Variants in NKAIN4 observed in about 807,000 individuals in gnomAD.
NKAIN4 encodes the protein sodium/potassium transporting ATPase interacting 4, also known as sodium/potassium-transporting ATPase subunit beta-1-interacting protein 4.
NKAIN4 carries 28 observed loss-of-function variants against 28.8 expected under a neutral mutation model. That is an observed-to-expected ratio of 0.97 (90% CI 0.72 to 1.33). The LOEUF (loss-of-function observed/expected upper bound fraction) is 1.33, where lower values mean the gene tolerates loss of function less well. Ranked by LOEUF, NKAIN4 falls within the 40% of genes most tolerant of loss-of-function variation. The pLI, the probability that NKAIN4 is intolerant of heterozygous loss-of-function variation, is 0.00. For synonymous variants in NKAIN4, 122 were observed against 115.6 expected, an observed-to-expected ratio of 1.06 and a Z score of -0.36; for missense variants, 289 against 277.2, an observed-to-expected ratio of 1.04 and a Z score of -0.30.
chr20:63,245,319 A>C lies in NKAIN4; in HGVS notation c.472-1235T>G, dbSNP rs1568704824. On this transcript the variant is annotated intron_variant, in intron 4 of 6. Transcript: ENST00000370316. This position sits in a 1 kb window ranked among gnomAD's most constrained non-coding sequence, Gnocchi z 4.7. ...GCAGCGGTGAGGGTGGGCAACCTCC[A>C]CGGCTCGTCCCCCTCCTCACCCCAA... is the stretch of plus-strand genomic sequence containing the variant. Among the ~76,000 whole-genome samples, 1 of 152,036 alleles carries C rather than the reference A, an allele frequency of 6.6e-6. No homozygotes were observed. The highest frequency in any genetic ancestry group is 1.5e-5 in the Non-Finnish European group (1 of 67,994).
chr20:63,249,545 A>G (rs898653360), intron 2 of NKAIN4, among the ~76,000 whole-genome samples: 1 of 152,204 alleles, frequency 6.6e-6, no homozygotes, highest in African/African-American at 2.4e-5. Context: ...GGATGCAGCA[A>G]GGACAGTATG....
At chr20:63,241,577 C>A in intron 6 of NKAIN4, 71 bp from the exon 7 acceptor site, 5 of 1,370,700 alleles carry the variant, frequency 3.6e-6, no homozygotes, top group Non-Finnish European at 5.1e-6. Flanking sequence ...GCCACCCCCT[C>A]CCCTTGGAGA....
At position 63,254,381 on chromosome 20, in the gene NKAIN4, AG is replaced by A; in HGVS notation, c.54+15del. ...ACCGGGGGCTCCAGGAGGCTCGCGG[AG>A]GGGTCGCCACTCACCAGCTGAAAAG... On this transcript the variant is annotated intron_variant, in intron 1 of 6. Transcript: ENST00000370316. 1 of 1,445,334 alleles carries A rather than the reference AG, an allele frequency of 6.9e-7. No individual in the cohort carries two copies. Among genetic ancestry groups the A allele is most frequent in the African/African-American group, 1.5e-5 (1 of 67,632 alleles). The allele number at this position is 1,445,334 out of a possible 1,614,324, so 89.5% of individuals were successfully genotyped here.
chr20:63,251,133 C>T (rs1337267421), intron 1 of NKAIN4, among the ~76,000 whole-genome samples: 2 of 152,004 alleles, frequency 1.3e-5, no homozygotes, highest in Non-Finnish European at 2.9e-5. Context: ...CCAGGGGGCC[C>T]TTGCCTGCCT....
At chr20:63,248,703 G>A (rs1454444894) in intron 3 of NKAIN4, 112 bp downstream of exon 3, 32 of 723,330 alleles carry the variant, frequency 4.4e-5, no homozygotes, top group Non-Finnish European at 7.0e-5. Flanking sequence ...GCCATGCACA[G>A]ACTGAGCCCC....
chr20:63,246,624 C>A, intron 4 of NKAIN4: 1 of 985,342 alleles, frequency 1.0e-6, no homozygotes, highest in Non-Finnish European at 1.2e-6. Context: ...AGCCCCAGGT[C>A]CACCTGGTGT....
At position 63,245,734 on chromosome 20, in the gene NKAIN4, G is replaced by A. The variant is rs1015851849; in HGVS notation, c.472-1650C>T. Among the ~76,000 whole-genome samples, 3 of 152,184 alleles carry A rather than the reference G, an allele frequency of 2.0e-5. No homozygotes were observed. The East Asian group carries it at 5.8e-4, about 29-fold the overall frequency. On this transcript the variant is annotated intron_variant, in intron 4 of 6. Coordinates refer to ENST00000370316, the MANE Select transcript of NKAIN4 (RefSeq NM_152864.4). The surrounding 1 kb of genome is among the most constrained non-coding windows in gnomAD (Gnocchi z 4.7). ...ACCCTCCAAAGCAAACAGCAGGGGC[G>A]AGATCCTAGCGAGGACTAGCTGGCT...
chr20:63,246,660 C>T, intron 4 of NKAIN4: 1 of 985,426 alleles, frequency 1.0e-6, no homozygotes, highest in Non-Finnish European at 1.2e-6. Context: ...CCGTGCGCAC[C>T]AGGAAAAGCC....
chr20:63,254,327 C>A, intron 1 of NKAIN4, 70 bp downstream of exon 1: 1 of 1,268,304 alleles, frequency 7.9e-7, no homozygotes, highest in Non-Finnish European at 1.0e-6. Context: ...AGGGACGCTT[C>A]GGGACCCCAC....
At position 63,245,424 on chromosome 20, in the gene NKAIN4, C is replaced by G. The variant is rs1020658726; in HGVS notation, c.472-1340G>C. Reference sequence around the variant, plus strand: ...GAGCTTGGGGAGCCATTGGAAGATGCCCCTTCCAGCCGGTGCCCTCCTGCC... The same window carrying G: ...GAGCTTGGGGAGCCATTGGAAGATGGCCCTTCCAGCCGGTGCCCTCCTGCC... On this transcript the variant is annotated intron_variant, in intron 4 of 6. Transcript: ENST00000370316. The surrounding 1 kb of genome is among the most constrained non-coding windows in gnomAD (Gnocchi z 4.7). 6.6e-6 allele frequency among the ~76,000 whole-genome samples: 1 copy of G among 152,078 alleles called. No individual in the cohort carries two copies. Among genetic ancestry groups the G allele is most frequent in the African/African-American group, 2.4e-5 (1 of 41,400 alleles).
intron 1 of NKAIN4, among the ~76,000 whole-genome samples, chr20:63,253,783 G>A (rs914227812): frequency 3.3e-5 from 5 of 152,144 alleles, no homozygotes; most frequent in Admixed American, 1.3e-4. Flanking sequence ...TGCGCCCCGG[G>A]CATCGGCTCC....
At chr20:63,249,042 G>A in intron 2 of NKAIN4, 147 bp from the exon 3 acceptor site, 2 of 633,070 alleles carry the variant, frequency 3.2e-6, no homozygotes, top group Middle Eastern at 8.2e-4. Flanking sequence ...TGCACAGCAT[G>A]GAGAAAGGGG....
At chr20:63,253,331 T>C (rs1352925784) in intron 1 of NKAIN4, 2 of 984,996 alleles carry the variant, frequency 2.0e-6, no homozygotes, top group Admixed American at 1.2e-4. Flanking sequence ...CGCCGGAAGC[T>C]CCTTCCTTCC....
chr20:63,241,973 G>A (rs1320790901), intron 6 of NKAIN4, among the ~76,000 whole-genome samples: 3 of 152,118 alleles, frequency 2.0e-5, no homozygotes, highest in African/African-American at 7.2e-5. Flanking sequence ...TGGGGGCCTG[G>A]GCAGCCCAGG....
At chr20:63,253,683 C>A (rs973355640) in intron 1 of NKAIN4, among the ~76,000 whole-genome samples, 6 of 152,226 alleles carry the variant, frequency 3.9e-5, no homozygotes, top group African/African-American at 9.6e-5. Context: ...ATCCGCCCCC[C>A]AGGCGTCCCA....
At chr20:63,251,537 T>C (rs6011701) in intron 1 of NKAIN4, among the ~76,000 whole-genome samples, 130,635 of 152,232 alleles carry the variant, frequency 0.86, 56,182 homozygotes, top group East Asian at 0.97. Context: ...CAGACGCTGG[T>C]GTCACCGCTA....
At chr20:63,250,732 G>A (rs889539861) in intron 1 of NKAIN4, among the ~76,000 whole-genome samples, 5 of 152,138 alleles carry the variant, frequency 3.3e-5, no homozygotes, top group African/African-American at 1.2e-4. Context: ...TATAAAGTTG[G>A]TATTTTATAT....
upstream of NKAIN4, chr20:63,254,667 C>A: frequency 2.8e-6 from 1 of 352,578 alleles, no homozygotes; most frequent in Non-Finnish European, 5.0e-6. Flanking sequence ...TCGCGCCGGC[C>A]GGAGAGGGGG....
In NKAIN4 at chr20:63,250,095, G is replaced by A. The variant is rs771740206; in HGVS notation, c.55-23C>T. 4 of 1,549,196 alleles carry A rather than the reference G, an allele frequency of 2.6e-6. No individual in the cohort carries two copies. The South Asian group carries it at 3.6e-5, about 14-fold the overall frequency. Reference sequence around the variant, plus strand: ...GACCTAGGAGCAGGGCGGGCGCCATGAAGGGTGGACCCGAGGGAGGCCCCA... The same window carrying A: ...GACCTAGGAGCAGGGCGGGCGCCATAAAGGGTGGACCCGAGGGAGGCCCCA... On this transcript the variant is annotated intron_variant, in intron 1 of 6. Transcript: ENST00000370316.
Sources: gnomAD v4.1 joint callset for allele counts (sites outside exome capture counted in the v4.1 genomes callset) on GRCh38, gnomAD v4.1.1 for gene constraint, Gnocchi (gnomAD v3.1) non-coding constraint, MANE v1.5 for transcripts, NCBI Gene and HGNC (gene_info 2026-07-23, HGNC 2026-07-21) for gene names.